Variants in RBFOX1 observed in about 807,000 individuals in gnomAD.
RBFOX1 encodes the protein RNA binding fox-1 homolog 1.
Under a neutral mutation model 57.7 loss-of-function variants are expected in RBFOX1, and 8 were observed. The observed-to-expected ratio is 0.14, with a 90% CI of 0.08 to 0.25. The LOEUF is 0.25. RBFOX1 is among the 10% of genes least tolerant of loss of function. The pLI is 1.00. For missense variants in RBFOX1, 611 were observed against 548.5 expected, an observed-to-expected ratio of 1.11 and a Z score of -1.14; for synonymous variants, 326 against 222.4, an observed-to-expected ratio of 1.47 and a Z score of -4.15.
At chr16:6,483,307 C>T in intron 2 of RBFOX1, 1 of 1,405,850 alleles carries the variant, frequency 7.1e-7, no homozygotes, top group South Asian at 1.5e-5. Context: ...CTCTCGCGCC[C>T]GCGCGCTCGG....
At chr16:7,280,196 G>A (rs924970766) in intron 4 of RBFOX1, among the ~76,000 whole-genome samples, 2 of 152,210 alleles carry the variant, frequency 1.3e-5, no homozygotes, top group Non-Finnish European at 2.9e-5. Context: ...ACTAAATTCA[G>A]CTGTTTTCCT....
intron 1 of RBFOX1, among the ~76,000 whole-genome samples, chr16:6,118,046 G>A (rs1014122307): frequency 6.6e-6 from 1 of 152,206 alleles, no homozygotes. Flanking sequence ...ACTTTCATAA[G>A]AGTTGCAAAA....
At chr16:7,337,139 A>C (rs2096803410) in intron 4 of RBFOX1, among the ~76,000 whole-genome samples, 1 of 152,176 alleles carries the variant, frequency 6.6e-6, no homozygotes, top group Admixed American at 6.5e-5. Flanking sequence ...ACCTACACTT[A>C]GACAAAGCTA....
chr16:5,835,284 A>G (rs541605113), intron 3 of RBFOX1, among the ~76,000 whole-genome samples: 8 of 152,298 alleles, frequency 5.3e-5, no homozygotes, highest in African/African-American at 1.9e-4. Flanking sequence ...CAGGGAAGCC[A>G]TGCGTCCCAC....
At chr16:6,308,072 A>C (rs1042920888) in intron 1 of RBFOX1, among the ~76,000 whole-genome samples, 1 of 151,096 alleles carries the variant, frequency 6.6e-6, no homozygotes, top group African/African-American at 2.4e-5. Flanking sequence ...CATATTTTAT[A>C]ATCATTTATT....
At chr16:6,523,174 C>T (rs1352523853) in intron 2 of RBFOX1, among the ~76,000 whole-genome samples, 1 of 152,072 alleles carries the variant, frequency 6.6e-6, no homozygotes, top group East Asian at 1.9e-4. Flanking sequence ...CTTTGTCCTG[C>T]TTACTCATCT....
intron 3 of RBFOX1, among the ~76,000 whole-genome samples, chr16:6,837,960 C>T (rs550076085): frequency 1.3e-5 from 2 of 151,678 alleles, no homozygotes; most frequent in African/African-American, 2.4e-5. Context: ...ATGGCAACAC[C>T]TGGAAGTTAC....
Position 7,711,734 on chromosome 16 carries a change from G to C in RBFOX1, c.*989G>C, listed in dbSNP as rs72778533. On this transcript the variant is annotated 3_prime_UTR_variant, in exon 16 of 16. Coordinates refer to ENST00000550418, the MANE Select transcript of RBFOX1 (RefSeq NM_018723.4). ...AACAGTCTATGAAGCTTTAGTTTTAGCCTAGTAGAACAACTGTTAGAGACA... is the reference window on the plus strand; with the variant it reads ...AACAGTCTATGAAGCTTTAGTTTTACCCTAGTAGAACAACTGTTAGAGACA... The C allele has an allele frequency of 2.0e-5, 3 of 152,512 alleles. No individual in the cohort carries two copies. The highest frequency in any genetic ancestry group is 2.9e-5 in the Non-Finnish European group (2 of 68,016). The allele number at this position is 152,512 out of a possible 1,614,324, so 9.4% of individuals were successfully genotyped here.
intron 4 of RBFOX1, among the ~76,000 whole-genome samples, chr16:7,434,794 C>T (rs957829529): frequency 1.7e-4 from 25 of 151,090 alleles, no homozygotes; most frequent in Non-Finnish European, 3.2e-4. Flanking sequence ...GGCTGGAGTG[C>T]AGTGGTGTGA....
chr16:5,628,885 C>T lies in RBFOX1; in HGVS notation c.318+29924C>T, dbSNP rs12595932. ...CTGTAGCATCTGACCTAAGCTAAGTCCTAAGACGTTAGTCCTAAGTCAGAT... is the reference window on the plus strand; with the variant it reads ...CTGTAGCATCTGACCTAAGCTAAGTTCTAAGACGTTAGTCCTAAGTCAGAT... On this transcript the variant is annotated intron_variant, in intron 3 of 19. Transcript: ENST00000641259. Among the ~76,000 whole-genome samples the T allele has an allele frequency of 9.0e-3, 1,365 of 152,276 alleles. 27 individuals are homozygous for T. The East Asian group carries it at 0.1, about 11-fold the overall frequency.
intron 4 of RBFOX1, among the ~76,000 whole-genome samples, chr16:7,317,191 C>A (rs556939234): frequency 1.3e-5 from 2 of 152,128 alleles, no homozygotes; most frequent in Admixed American, 6.5e-5. Context: ...AGAAAAGAAA[C>A]GGCCAGGAGT....
chr16:7,000,064 T>C (rs2092647816), intron 3 of RBFOX1, among the ~76,000 whole-genome samples: 1 of 116,948 alleles, frequency 8.6e-6, no homozygotes, highest in Admixed American at 9.5e-5. Flanking sequence ...AGGGAGACTC[T>C]GTTTCAAAGA....
At chr16:7,427,157 C>G (rs879978244) in intron 4 of RBFOX1, among the ~76,000 whole-genome samples, 1 of 152,096 alleles carries the variant, frequency 6.6e-6, no homozygotes, top group Non-Finnish European at 1.5e-5. Context: ...GGAGAAATAC[C>G]TAATGTAAAT....
intron 3 of RBFOX1, among the ~76,000 whole-genome samples, chr16:7,047,716 C>CTTT (rs55636828): frequency 3.8e-4 from 18 of 47,918 alleles, no homozygotes; most frequent in African/African-American, 9.9e-4. Flanking sequence ...TCCTGCATTT[C>CTTT]TTTTTTTTTT....
At chr16:6,183,995 C>G (rs1334687272) in intron 1 of RBFOX1, among the ~76,000 whole-genome samples, 1 of 152,164 alleles carries the variant, frequency 6.6e-6, no homozygotes, top group East Asian at 1.9e-4. Context: ...AATGGACTTC[C>G]AGTTCCACAT....
At chr16:6,420,398 G>C (rs921137120) in intron 2 of RBFOX1, among the ~76,000 whole-genome samples, 1 of 151,790 alleles carries the variant, frequency 6.6e-6, no homozygotes, top group Non-Finnish European at 1.5e-5. Flanking sequence ...AACATTTTCT[G>C]TGATGCACTT....
At chr16:6,501,734 G>A (rs1036883393) in intron 2 of RBFOX1, among the ~76,000 whole-genome samples, 1 of 152,098 alleles carries the variant, frequency 6.6e-6, no homozygotes. Flanking sequence ...ACTGGGCGCT[G>A]TGCTGGGTGC....
At chr16:5,783,001 T>G (rs1171382505) in intron 3 of RBFOX1, among the ~76,000 whole-genome samples, 1 of 152,166 alleles carries the variant, frequency 6.6e-6, no homozygotes, top group Non-Finnish European at 1.5e-5. Flanking sequence ...TCCACTGATT[T>G]AAATACTCTT....
chr16:5,488,487 A>T (rs991720559), intron 2 of RBFOX1, among the ~76,000 whole-genome samples: 1 of 149,906 alleles, frequency 6.7e-6, no homozygotes, highest in Non-Finnish European at 1.5e-5. Context: ...GATGGTGATG[A>T]TAATGGAGGA....
Sources: gnomAD v4.1 joint callset for allele counts (sites outside exome capture counted in the v4.1 genomes callset) on GRCh38, gnomAD v4.1.1 for gene constraint, MANE v1.5 for transcripts, NCBI Gene and HGNC (gene_info 2026-07-23, HGNC 2026-07-21) for gene names.